MTUS2: variants seen among roughly 807,000 people sequenced by gnomAD.
MTUS2 encodes microtubule-associated tumor suppressor candidate 2.
Under a neutral mutation model 114.1 loss-of-function variants are expected in MTUS2, and 40 were observed. The observed-to-expected ratio is 0.35, with a 90% CI of 0.27 to 0.46. The LOEUF is 0.46. Among genes scored for constraint, MTUS2 ranks in the 20% least tolerant of loss-of-function variants. The pLI is 1.00. For missense variants in MTUS2, 1,679 were observed against 1,705.4 expected, an observed-to-expected ratio of 0.98 and a Z score of 0.27; for synonymous variants, 688 against 672.0, an observed-to-expected ratio of 1.02 and a Z score of -0.37.
chr13:29,491,934 GGT>G (rs963313528), intron 11 of MTUS2, among the ~76,000 whole-genome samples: 8 of 141,454 alleles, frequency 5.7e-5, no homozygotes, highest in African/African-American at 1.6e-4. Context: ...GTGTGTGGTA[GGT>G]GTGTGTGTGG....
chr13:29,147,105 A>G (rs1330740876), intron 5 of MTUS2, among the ~76,000 whole-genome samples: 2 of 152,224 alleles, frequency 1.3e-5, no homozygotes, highest in African/African-American at 2.4e-5. Flanking sequence ...TGTCAAAGCC[A>G]AATCAATTAC....
chr13:29,194,989 G>A lies in MTUS2; in HGVS notation c.2645-86715G>A, dbSNP rs889133323. Among the ~76,000 whole-genome samples, 1,042 of 148,046 alleles carry A rather than the reference G, an allele frequency of 7.0e-3. 8 individuals are homozygous for A. Among genetic ancestry groups the A allele is most frequent in the African/African-American group, 0.024 (958 of 40,080 alleles). ...AAATCATCATTCTCAGTAAACTATC[G>A]CAAGAACAAAAAACCAAACACCACA... On this transcript the variant is annotated intron_variant, in intron 5 of 15. Transcript: ENST00000612955.
At chr13:29,181,807 TG>T (rs1239303130) in intron 5 of MTUS2, among the ~76,000 whole-genome samples, 2 of 151,830 alleles carry the variant, frequency 1.3e-5, no homozygotes, top group Non-Finnish European at 2.9e-5. Context: ...TGTGTGTGTG[TG>T]TGTGTGTGTG....
At chr13:28,848,907 T>C (rs1238522084) in intron 2 of MTUS2, among the ~76,000 whole-genome samples, 1 of 152,148 alleles carries the variant, frequency 6.6e-6, no homozygotes, top group Non-Finnish European at 1.5e-5. Flanking sequence ...CTGTAATGCA[T>C]AGGATAGTTC....
intron 1 of MTUS2, among the ~76,000 whole-genome samples, chr13:28,829,858 A>G (rs186628074): frequency 2.0e-4 from 30 of 152,348 alleles, no homozygotes; most frequent in African/African-American, 6.0e-4. Flanking sequence ...AGTCTTTGGA[A>G]TCTAGAAGTC....
At chr13:28,897,537 C>T (rs1879351324) in intron 2 of MTUS2, among the ~76,000 whole-genome samples, 2 of 152,138 alleles carry the variant, frequency 1.3e-5, no homozygotes, top group South Asian at 4.1e-4. Flanking sequence ...ACCCAGCCAT[C>T]CCATTACTGG....
intron 2 of MTUS2, among the ~76,000 whole-genome samples, chr13:28,997,880 G>T (rs1338293519): frequency 6.6e-6 from 1 of 151,046 alleles, no homozygotes; most frequent in East Asian, 1.9e-4. Flanking sequence ...GGAGCATTTT[G>T]CCCATTTACA....
At chr13:29,365,600 T>TGCA (rs1240290019) in intron 8 of MTUS2, among the ~76,000 whole-genome samples, 2 of 151,870 alleles carry the variant, frequency 1.3e-5, no homozygotes, top group Non-Finnish European at 2.9e-5. Flanking sequence ...GCTGCTGCTT[T>TGCA]GCAGAAGAGG....
At chr13:28,849,709 A>T (rs1593244112) in intron 2 of MTUS2, among the ~76,000 whole-genome samples, 1 of 151,108 alleles carries the variant, frequency 6.6e-6, no homozygotes, top group Non-Finnish European at 1.5e-5. Context: ...TCCTGCTTGA[A>T]CCCTTTGCTC....
chr13:28,820,255 G>A (rs1167773319), upstream of MTUS2: 1 of 147,314 alleles, frequency 6.8e-6, no homozygotes, highest in South Asian at 2.0e-4. Flanking sequence ...CCTCGAGCGG[G>A]GGCGGCGGCC....
At position 29,270,745 on chromosome 13, in the gene MTUS2, C is replaced by T. The variant is rs528590124; in HGVS notation, c.2645-10959C>T. Among the ~76,000 whole-genome samples, 258 of 152,290 alleles carry T rather than the reference C, an allele frequency of 1.7e-3. 1 individual carries two copies. The highest frequency in any genetic ancestry group is 2.9e-3 in the Non-Finnish European group (199 of 68,036). On this transcript the variant is annotated intron_variant, in intron 5 of 15. Transcript: ENST00000612955. ...CTCAGCATCACAAGGCCCTTTCTGT[C>T]GAGCAGCTGCTGCTCCTTATCCTGC...
At chr13:29,434,664 G>C (rs544179146) in intron 8 of MTUS2, among the ~76,000 whole-genome samples, 18 of 152,324 alleles carry the variant, frequency 1.2e-4, no homozygotes, top group African/African-American at 3.1e-4. Context: ...GAATCACACG[G>C]ATGATGCTAA....
rs187191506 is a variant in MTUS2 at position 29,158,678 on chromosome 13, A to T, written c.2644+57708A>T. Among the ~76,000 whole-genome samples, 275 of 152,240 alleles carry T rather than the reference A, an allele frequency of 1.8e-3. 8 individuals are homozygous for T. Among genetic ancestry groups the T allele is most frequent in the Non-Finnish European group, 6.8e-4 (46 of 68,008 alleles). ...TCTCTCAAGAAAAGGAGACAGGTGG[A>T]ATGAGAGAAAAACAAGTCCTTCTAG... On this transcript the variant is annotated intron_variant, in intron 5 of 15. Transcript: ENST00000612955.
chr13:28,886,741 G>A (rs1262077280), intron 2 of MTUS2, among the ~76,000 whole-genome samples: 1 of 152,156 alleles, frequency 6.6e-6, no homozygotes, highest in African/African-American at 2.4e-5. Context: ...ATAAGTAAGG[G>A]GGGATAAAGT....
chr13:28,967,219 C>G (rs1216016135), intron 2 of MTUS2, among the ~76,000 whole-genome samples: 1 of 152,172 alleles, frequency 6.6e-6, no homozygotes, highest in Non-Finnish European at 1.5e-5. Context: ...AATTTAACTT[C>G]TTTTGCTTTG....
intron 1 of MTUS2, among the ~76,000 whole-genome samples, chr13:28,827,640 C>A (rs1421929180): frequency 1.3e-5 from 2 of 152,068 alleles, no homozygotes; most frequent in African/African-American, 4.8e-5. Flanking sequence ...TTCTATTTTC[C>A]CTAAGTATTG....
intron 2 of MTUS2, among the ~76,000 whole-genome samples, chr13:28,990,521 G>A (rs1029526252): frequency 2.0e-5 from 3 of 152,016 alleles, no homozygotes; most frequent in African/African-American, 7.3e-5. Flanking sequence ...CTGTAAAAAT[G>A]TACCAATCAG....
chr13:29,281,899 G>A (rs1898289339), intron 6 of MTUS2, 34 bp downstream of exon 6: 8 of 1,535,382 alleles, frequency 5.2e-6, no homozygotes, highest in Non-Finnish European at 7.0e-6. Flanking sequence ...GCTCCATGGT[G>A]GAGTGCCCTT....
chr13:29,012,452 G>C (rs1040044183), intron 2 of MTUS2, among the ~76,000 whole-genome samples: 1 of 152,226 alleles, frequency 6.6e-6, no homozygotes, highest in African/African-American at 2.4e-5. Flanking sequence ...TAGGAAGGAA[G>C]AAGTGGAGAG....
Sources: gnomAD v4.1 joint callset for allele counts (sites outside exome capture counted in the v4.1 genomes callset) on GRCh38, gnomAD v4.1.1 for gene constraint, MANE v1.5 for transcripts, NCBI Gene and HGNC (gene_info 2026-07-23, HGNC 2026-07-21) for gene names.